Variants in MAT2B observed in about 807,000 individuals in gnomAD.
MAT2B encodes methionine adenosyltransferase 2 non-catalytic beta subunit, also known as methionine adenosyltransferase 2 subunit beta.
Under a neutral mutation model 36.1 loss-of-function variants are expected in MAT2B, and 16 were observed. The ratio of observed to expected loss-of-function variants is 0.44; its 90% CI spans 0.30 to 0.67. The LOEUF (loss-of-function observed/expected upper bound fraction) is 0.67, where lower values mean the gene tolerates loss of function less well. MAT2B is among the 30% of genes least tolerant of loss of function. The pLI, the probability that MAT2B is intolerant of heterozygous loss-of-function variation, is 0.09. For synonymous variants in MAT2B, 148 were observed against 136.9 expected, an observed-to-expected ratio of 1.08 and a Z score of -0.57; for missense variants, 332 against 398.2, an observed-to-expected ratio of 0.83 and a Z score of 1.42.
chr5:163,504,494 G>A (rs1759896032), upstream of MAT2B, among the ~76,000 whole-genome samples: 1 of 152,224 alleles, frequency 6.6e-6, no homozygotes, highest in East Asian at 1.9e-4. Context: ...AGGCTGCTTA[G>A]TCTTTAGTTT....
intron 5 of MAT2B, 166 bp downstream of exon 5, chr5:163,516,877 G>T: frequency 1.6e-6 from 1 of 626,524 alleles, no homozygotes; most frequent in Non-Finnish European, 2.8e-6. Context: ...TATTCATGAA[G>T]AATAAAAATA....
chr5:163,510,254 G>T (rs960516180), intron 1 of MAT2B, among the ~76,000 whole-genome samples: 5 of 152,142 alleles, frequency 3.3e-5, no homozygotes, highest in African/African-American at 1.2e-4. Context: ...TTGGAACTAT[G>T]CTTGGAAACA....
At chr5:163,509,395 C>CT (rs1760000323) in intron 1 of MAT2B, among the ~76,000 whole-genome samples, 1 of 152,154 alleles carries the variant, frequency 6.6e-6, no homozygotes. Flanking sequence ...AAGCTTTGAA[C>CT]TTTCCTGGAG....
Position 163,518,410 on chromosome 5 carries a change from A to G in MAT2B, c.*47A>G, listed in dbSNP as rs756172813. 1 of 1,490,960 alleles carries G rather than the reference A, an allele frequency of 6.7e-7. No homozygotes were observed. The highest frequency in any genetic ancestry group is 9.1e-7 in the Non-Finnish European group (1 of 1,099,800). 92.4% of individuals were successfully genotyped at this position (1,490,960 alleles called of 1,614,324 possible). ...TTTTTTTTTAAATGAAAAGTATAGT[A>G]TGTGGCACTTTTTAAAGAACAAAGG... On this transcript the variant is annotated 3_prime_UTR_variant, in exon 7 of 7. Coordinates refer to ENST00000321757, the MANE Select transcript of MAT2B (RefSeq NM_013283.5).
At chr5:163,512,727 C>G in intron 2 of MAT2B, 1 of 453,070 alleles carries the variant, frequency 2.2e-6, no homozygotes. Context: ...GTTGCCCAGG[C>G]TGGAGTGCAG....
At chr5:163,517,520 A>G (rs1188116797) in intron 5 of MAT2B, 41 bp from the exon 6 acceptor site, 5 of 1,291,426 alleles carry the variant, frequency 3.9e-6, no homozygotes, top group African/African-American at 2.9e-5. Flanking sequence ...ACTCAGCTCA[A>G]AAAGTTGAAA....
intron 2 of MAT2B, 138 bp downstream of exon 2, chr5:163,512,334 T>C (rs1760059692): frequency 4.1e-6 from 3 of 737,546 alleles, no homozygotes; most frequent in Non-Finnish European, 6.9e-6. Context: ...ATTTTTTTCA[T>C]TTAGCATGAC....
Position 163,519,205 on chromosome 5 carries a change from A to G in MAT2B, c.*842A>G, listed in dbSNP as rs1760181615. 1 of 152,146 alleles carries G rather than the reference A, an allele frequency of 6.6e-6. No individual in the cohort carries two copies. Among genetic ancestry groups the G allele is most frequent in the African/African-American group, 2.4e-5 (1 of 41,438 alleles). The allele number at this position is 152,146 out of a possible 1,614,324, so 9.4% of individuals were successfully genotyped here. ...TTTTAAATGTAAGGACCAAACTTCTAAACTAATTGTTCTTTTGTTGCTTTA... is the reference window on the plus strand; with the variant it reads ...TTTTAAATGTAAGGACCAAACTTCTGAACTAATTGTTCTTTTGTTGCTTTA... On this transcript the variant is annotated 3_prime_UTR_variant, in exon 7 of 7. Coordinates refer to ENST00000321757, the MANE Select transcript of MAT2B (RefSeq NM_013283.5).
intron 1 of MAT2B, among the ~76,000 whole-genome samples, chr5:163,511,665 T>C (rs2113555773): frequency 6.7e-6 from 1 of 149,922 alleles, no homozygotes; most frequent in South Asian, 2.1e-4. Flanking sequence ...TTTTAAGTTG[T>C]GTTTTCTGCT....
chr5:163,514,643 G>C (rs952852475), intron 4 of MAT2B, among the ~76,000 whole-genome samples: 4 of 151,700 alleles, frequency 2.6e-5, no homozygotes, highest in African/African-American at 9.7e-5. Flanking sequence ...TTGCATTTTA[G>C]TACACATGGA....
At chr5:163,514,258 T>C (rs1385719120) in intron 4 of MAT2B, among the ~76,000 whole-genome samples, 1 of 152,190 alleles carries the variant, frequency 6.6e-6, no homozygotes, top group Non-Finnish European at 1.5e-5. Context: ...TGTAACTCAT[T>C]TTCAAAAAAC....
intron 1 of MAT2B, among the ~76,000 whole-genome samples, chr5:163,510,378 C>T (rs6859623): frequency 0.075 from 10,732 of 143,224 alleles, 1,304 homozygotes; most frequent in African/African-American, 0.26. Context: ...TTATCCTTTG[C>T]GTTTATTAGT....
chr5:163,504,323 G>A (rs1381422814), upstream of MAT2B, among the ~76,000 whole-genome samples: 1 of 27,554 alleles, frequency 3.6e-5, no homozygotes, highest in African/African-American at 7.8e-5. Flanking sequence ...GTAATAGCCT[G>A]TGTTTAAAAA....
chr5:163,505,793 C>A, intron 1 of MAT2B, 44 bp downstream of exon 1: 1 of 1,242,280 alleles, frequency 8.0e-7, no homozygotes, highest in Non-Finnish European at 1.0e-6. Flanking sequence ...GCGGGGGCGC[C>A]GAGGGGGACG....
At chr5:163,515,949 G>T (rs1488587483) in intron 4 of MAT2B, among the ~76,000 whole-genome samples, 1 of 151,630 alleles carries the variant, frequency 6.6e-6, no homozygotes, top group African/African-American at 2.4e-5. Context: ...TGTCCACGCT[G>T]GTCTCGAACT....
Position 163,512,484 on chromosome 5 carries a change from C to T in MAT2B, c.258+288C>T. 3 of 454,582 alleles carry T rather than the reference C, an allele frequency of 6.6e-6. No individual in the cohort carries two copies. The East Asian group carries it at 1.4e-4, about 21-fold the overall frequency. 28.2% of individuals were successfully genotyped at this position (454,582 alleles called of 1,614,324 possible). A position where few individuals can be genotyped will look rare whatever the true frequency, so the allele number is the denominator to read the frequency against. The stretch of plus-strand genomic sequence containing the variant: ...AATGGTTTTCAAATGTTACTGTAAA[C>T]CTCACAACACTGCAAAATAGTTATT... On this transcript the variant is annotated intron_variant, in intron 2 of 6. Transcript: ENST00000321757.
chr5:163,516,009 C>G (rs775551578), intron 4 of MAT2B, among the ~76,000 whole-genome samples: 7 of 151,396 alleles, frequency 4.6e-5, no homozygotes, highest in Non-Finnish European at 1.0e-4. Context: ...GCTGGAATTA[C>G]AGTCATGAGC....
chr5:163,507,373 A>G (rs1327378111), intron 1 of MAT2B, among the ~76,000 whole-genome samples: 1 of 152,088 alleles, frequency 6.6e-6, no homozygotes, highest in Non-Finnish European at 1.5e-5. Flanking sequence ...TAATAAGAAT[A>G]TTTATTTATA....
At chr5:163,513,182 C>A (rs996360505) in intron 2 of MAT2B, 12 of 178,276 alleles carry the variant, frequency 6.7e-5, no homozygotes. Context: ...AGATTGAGTA[C>A]CAACCACTAT....
Sources: gnomAD v4.1 joint callset for allele counts (sites outside exome capture counted in the v4.1 genomes callset) on GRCh38, gnomAD v4.1.1 for gene constraint, MANE v1.5 for transcripts, NCBI Gene and HGNC (gene_info 2026-07-23, HGNC 2026-07-21) for gene names.